NALF1: variants seen among roughly 807,000 people sequenced by gnomAD.
The protein encoded by NALF1 is NALCN channel auxiliary factor 1.
A neutral mutation model predicts 48.4 loss-of-function variants in NALF1; 3 were observed. The observed-to-expected ratio is 0.06, with a 90% CI of 0.03 to 0.16. NALF1 has a LOEUF of 0.16. Among genes scored for constraint, NALF1 ranks in the 10% least tolerant of loss-of-function variants. The pLI is 1.00. For synonymous variants in NALF1, 262 were observed against 245.7 expected, an observed-to-expected ratio of 1.07 and a Z score of -0.62; for missense variants, 526 against 571.5, an observed-to-expected ratio of 0.92 and a Z score of 0.81.
At chr13:107,816,269 T>C (rs1391483703) in intron 1 of NALF1, among the ~76,000 whole-genome samples, 1 of 152,146 alleles carries the variant, frequency 6.6e-6, no homozygotes, top group Non-Finnish European at 1.5e-5. Context: ...GTGAATTGAA[T>C]GATAGATGCA....
chr13:107,388,603 GA>G (rs1429535984), intron 1 of NALF1, among the ~76,000 whole-genome samples: 1 of 152,056 alleles, frequency 6.6e-6, no homozygotes, highest in Non-Finnish European at 1.5e-5. Context: ...ACAAACTAAA[GA>G]AAAAATAAAT....
chr13:107,819,476 C>T (rs1879289688), intron 1 of NALF1, among the ~76,000 whole-genome samples: 1 of 152,184 alleles, frequency 6.6e-6, no homozygotes, highest in African/African-American at 2.4e-5. Flanking sequence ...GCCCCATGCT[C>T]TACACACCTG....
intron 1 of NALF1, among the ~76,000 whole-genome samples, chr13:107,509,759 A>G (rs1032776194): frequency 3.3e-5 from 5 of 152,136 alleles, no homozygotes; most frequent in South Asian, 2.1e-4. Flanking sequence ...CTCCTTTGAA[A>G]TTCCTGAAAG....
intron 1 of NALF1, among the ~76,000 whole-genome samples, chr13:107,672,251 T>C (rs1351527127): frequency 6.6e-6 from 1 of 152,212 alleles, no homozygotes; most frequent in Non-Finnish European, 1.5e-5. Flanking sequence ...TAGCTTGCCA[T>C]AATAGAGGAA....
At chr13:107,229,361 G>A (rs1229920884) in intron 1 of NALF1, among the ~76,000 whole-genome samples, 1 of 152,154 alleles carries the variant, frequency 6.6e-6, no homozygotes, top group Non-Finnish European at 1.5e-5. Flanking sequence ...TGAGCATAAG[G>A]AAGTTTCATT....
intron 1 of NALF1, among the ~76,000 whole-genome samples, chr13:107,488,677 G>A (rs1159423814): frequency 6.6e-6 from 1 of 151,996 alleles, no homozygotes; most frequent in Non-Finnish European, 1.5e-5. Context: ...GTACTAAATG[G>A]GCAAAAACTG....
Position 107,237,794 on chromosome 13 carries a change from A to G in NALF1, c.916-27039T>C, listed in dbSNP as rs550289359. Among the ~76,000 whole-genome samples the G allele has an allele frequency of 2.6e-4, 40 of 152,334 alleles. 1 individual carries two copies. The South Asian group carries it at 5.8e-3, about 22-fold the overall frequency. On this transcript the variant is annotated intron_variant, in intron 1 of 2. Coordinates refer to ENST00000375915, the MANE Select transcript of NALF1 (RefSeq NM_001080396.3). ...TCATTAATATATAATAATCCACAGG[A>G]TTAATATTATATGCATATATGTATA...
chr13:107,728,695 A>AAAAT (rs34497886), intron 1 of NALF1, among the ~76,000 whole-genome samples: 106,252 of 148,274 alleles, frequency 0.72, 39,675 homozygotes, highest in Non-Finnish European at 0.83. Flanking sequence ...AACTTAAAGT[A>AAAAT]AAATAAATAA....
At chr13:107,320,477 C>G (rs992237205) in intron 1 of NALF1, among the ~76,000 whole-genome samples, 2 of 152,096 alleles carry the variant, frequency 1.3e-5, no homozygotes, top group Non-Finnish European at 2.9e-5. Flanking sequence ...CTCACATCAA[C>G]TCCTTAGTTG....
At chr13:107,686,079 G>A (rs1881426753) in intron 1 of NALF1, among the ~76,000 whole-genome samples, 1 of 152,244 alleles carries the variant, frequency 6.6e-6, no homozygotes, top group African/African-American at 2.4e-5. Flanking sequence ...GGGGAGGACG[G>A]CGGGGGCCGG....
At chr13:107,686,968 G>T (rs1453031278) in intron 1 of NALF1, among the ~76,000 whole-genome samples, 1 of 152,102 alleles carries the variant, frequency 6.6e-6, no homozygotes, top group African/African-American at 2.4e-5. Flanking sequence ...CAAAAGAAAA[G>T]AAATAGTTTT....
At chr13:107,849,237 G>A (rs368746386) in intron 1 of NALF1, among the ~76,000 whole-genome samples, 57 of 152,310 alleles carry the variant, frequency 3.7e-4, no homozygotes, top group Admixed American at 1.0e-3. Flanking sequence ...TGCTGTGAGT[G>A]ATTTGAATTT....
At chr13:107,483,896 T>C (rs1052674196) in intron 1 of NALF1, among the ~76,000 whole-genome samples, 1 of 152,030 alleles carries the variant, frequency 6.6e-6, no homozygotes, top group Non-Finnish European at 1.5e-5. Context: ...AGATAAAGAA[T>C]ACTATTTTAA....
At chr13:107,644,642 C>CATATATATAT (rs371201609) in intron 1 of NALF1, among the ~76,000 whole-genome samples, 3,361 of 91,894 alleles carry the variant, frequency 0.037, 162 homozygotes, top group East Asian at 0.052. Context: ...TACATACATA[C>CATATATATAT]ATACATATAT....
At chr13:107,344,780 G>A (rs1363972707) in intron 1 of NALF1, among the ~76,000 whole-genome samples, 2 of 151,952 alleles carry the variant, frequency 1.3e-5, no homozygotes, top group African/African-American at 2.4e-5. Flanking sequence ...AGACAAGAAT[G>A]CCCACTCTTA....
chr13:107,462,340 A>T (rs986914512), intron 1 of NALF1, among the ~76,000 whole-genome samples: 1 of 152,242 alleles, frequency 6.6e-6, no homozygotes, highest in African/African-American at 2.4e-5. Flanking sequence ...TGAATTAATG[A>T]AATAATCTAA....
At chr13:107,293,204 T>C (rs1428236569) in intron 1 of NALF1, among the ~76,000 whole-genome samples, 1 of 151,812 alleles carries the variant, frequency 6.6e-6, no homozygotes, top group Non-Finnish European at 1.5e-5. Context: ...ATGCTCTCGA[T>C]CTCCTGACCT....
At position 107,702,672 on chromosome 13, in the gene NALF1, G is replaced by A. The variant is rs190012924; in HGVS notation, c.915+163010C>T. Among the ~76,000 whole-genome samples the A allele has an allele frequency of 8.7e-4, 132 of 152,172 alleles. 1 individual carries two copies. Among genetic ancestry groups the A allele is most frequent in the African/African-American group, 3.0e-3 (124 of 41,520 alleles). On this transcript the variant is annotated intron_variant, in intron 1 of 2. Transcript: ENST00000375915. ...GTATTAAGCCCAGCATCCATTAGCT[G>A]TTCTTCCTGATGCTCTCCCTCCTCC... is the stretch of plus-strand genomic sequence containing the variant.
intron 1 of NALF1, among the ~76,000 whole-genome samples, chr13:107,509,345 A>C (rs899164649): frequency 1.6e-4 from 24 of 152,296 alleles, no homozygotes; most frequent in African/African-American, 5.3e-4. Context: ...GGAAATTTAA[A>C]TATTAATTAT....
Sources: gnomAD v4.1 joint callset for allele counts (sites outside exome capture counted in the v4.1 genomes callset) on GRCh38, gnomAD v4.1.1 for gene constraint, MANE v1.5 for transcripts, NCBI Gene and HGNC (gene_info 2026-07-23, HGNC 2026-07-21) for gene names.